The following CDH2 variants were observed in gnomAD, a reference collection of about 807,000 sequenced individuals.
CDH2 encodes the protein cadherin 2.
A neutral mutation model predicts 92.0 loss-of-function variants in CDH2; 17 were observed. The observed-to-expected ratio is 0.18, with a 90% CI of 0.13 to 0.28. The LOEUF (loss-of-function observed/expected upper bound fraction) is 0.28. CDH2 is among the 10% of genes least tolerant of loss of function. CDH2 has a pLI of 1.00. For missense variants in CDH2, 862 were observed against 1,133.1 expected (o/e 0.76, Z 3.44); for synonymous variants, 419 against 415.9 (o/e 1.01, Z -0.09).
chr18:28,163,430 AC>A (rs2016335006), intron 1 of CDH2, among the ~76,000 whole-genome samples: 1 of 152,348 alleles, frequency 6.6e-6, no homozygotes, highest in African/African-American at 2.4e-5. Context: ...CTCAGGCTCT[AC>A]TGTAGGCTTA....
chr18:28,026,549 C>T (rs1302385760), intron 2 of CDH2, among the ~76,000 whole-genome samples: 4 of 152,118 alleles, frequency 2.6e-5, no homozygotes, highest in Admixed American at 1.3e-4. Context: ...CCTGACATCA[C>T]CACCACTCTC....
At chr18:28,078,775 C>T (rs2014773687) in intron 2 of CDH2, among the ~76,000 whole-genome samples, 1 of 151,808 alleles carries the variant, frequency 6.6e-6, no homozygotes, top group Non-Finnish European at 1.5e-5. Context: ...GTTTTCTATA[C>T]TCCTCGCCCC....
intron 2 of CDH2, among the ~76,000 whole-genome samples, chr18:28,027,544 C>T (rs751880795): frequency 6.6e-6 from 1 of 151,760 alleles, no homozygotes; most frequent in South Asian, 2.1e-4. Flanking sequence ...AAAATCAAAA[C>T]AGCAGTAGGG....
intron 2 of CDH2, among the ~76,000 whole-genome samples, chr18:28,059,560 T>A (rs2014360292): frequency 6.6e-6 from 1 of 152,218 alleles, no homozygotes; most frequent in Non-Finnish European, 1.5e-5. Flanking sequence ...CTAACTTCCA[T>A]TTTCTATCCA....
At position 28,013,883 on chromosome 18, in the gene CDH2, T is replaced by G; in HGVS notation, c.199A>C (p.Arg67=). ...NVKFSNCNGK[R]KVQYESSEPA... is the part of the protein sequence containing the mutation. ...TCACTGCTCTCATATTGTACTTTTC[T>G]TTTTCCATTGCAGTTGCTAAACTTC... Residue 67 remains arginine, a synonymous_variant, in exon 3 of 16, where the codon AGA becomes CGA. Coordinates refer to ENST00000269141, the MANE Select transcript of CDH2 (RefSeq NM_001792.5). 6.2e-7 allele frequency: 1 copy of G among 1,613,118 alleles called. No individual in the cohort carries two copies. Among genetic ancestry groups the G allele is most frequent in the Non-Finnish European group, 8.5e-7 (1 of 1,179,862 alleles).
intron 2 of CDH2, among the ~76,000 whole-genome samples, chr18:28,127,094 T>C (rs2015690043): frequency 6.6e-6 from 1 of 152,162 alleles, no homozygotes; most frequent in Admixed American, 6.5e-5. Flanking sequence ...AAAGACATGC[T>C]ACCTGCTGTG....
intron 2 of CDH2, among the ~76,000 whole-genome samples, chr18:28,057,888 A>G (rs1173081203): frequency 6.6e-6 from 1 of 152,156 alleles, no homozygotes; most frequent in African/African-American, 2.4e-5. Context: ...AAAGTTCTAT[A>G]CTTCATCACT....
chr18:28,161,579 C>CG (rs1304355418), intron 1 of CDH2, among the ~76,000 whole-genome samples: 1 of 99,138 alleles, frequency 1.0e-5, no homozygotes, highest in Non-Finnish European at 1.9e-5. Flanking sequence ...AACCCTGTCT[C>CG]GAAAAAAAAA....
chr18:27,980,908 T>C (rs1022528545), intron 14 of CDH2, among the ~76,000 whole-genome samples: 2 of 151,974 alleles, frequency 1.3e-5, no homozygotes, highest in Non-Finnish European at 2.9e-5. Flanking sequence ...AATAGATGAG[T>C]TTTACCACTT....
At chr18:28,025,311 A>T (rs1323884976) in intron 2 of CDH2, among the ~76,000 whole-genome samples, 2 of 152,236 alleles carry the variant, frequency 1.3e-5, no homozygotes, top group East Asian at 3.9e-4. Context: ...TAAACTCAGG[A>T]GTTCGAGACC....
chr18:28,033,148 C>A (rs2013740662), intron 2 of CDH2, among the ~76,000 whole-genome samples: 1 of 151,978 alleles, frequency 6.6e-6, no homozygotes, highest in African/African-American at 2.4e-5. Flanking sequence ...TAAACAGGGG[C>A]ATGGACGCCA....
chr18:28,143,752 G>A (rs1368027875), intron 2 of CDH2, among the ~76,000 whole-genome samples: 1 of 151,764 alleles, frequency 6.6e-6, no homozygotes, highest in Non-Finnish European at 1.5e-5. Flanking sequence ...TCTAATTCCA[G>A]ATCTGCTGCT....
At chr18:28,005,306 G>A (rs2012883435) in intron 6 of CDH2, among the ~76,000 whole-genome samples, 2 of 152,168 alleles carry the variant, frequency 1.3e-5, no homozygotes, top group African/African-American at 2.4e-5. Flanking sequence ...TAGAACTGCA[G>A]GGGACACGCT....
downstream of CDH2, among the ~76,000 whole-genome samples, chr18:27,949,821 AATTAAT>A (rs1220021566): frequency 7.9e-5 from 12 of 151,886 alleles, no homozygotes; most frequent in African/African-American, 2.2e-4. Context: ...TGCCTACAAA[AATTAAT>A]ATTTATATTT....
At chr18:27,997,726 A>C (rs957830599) in intron 7 of CDH2, among the ~76,000 whole-genome samples, 3 of 152,124 alleles carry the variant, frequency 2.0e-5, no homozygotes, top group African/African-American at 7.2e-5. Context: ...ATTTGCCTCT[A>C]GATAAATTGG....
chr18:28,020,288 C>T (rs1304314433), intron 2 of CDH2, among the ~76,000 whole-genome samples: 1 of 151,860 alleles, frequency 6.6e-6, no homozygotes, highest in Non-Finnish European at 1.5e-5. Context: ...TTAGGTATAC[C>T]AGTAATATAT....
chr18:28,014,000 T>A, intron 2 of CDH2, 91 bp from the exon 3 acceptor site: 4 of 816,238 alleles, frequency 4.9e-6, no homozygotes, highest in South Asian at 1.7e-5. Context: ...CCTGCTTAGG[T>A]TAAAGGATAA....
At chr18:28,044,847 C>A (rs1170347038) in intron 2 of CDH2, among the ~76,000 whole-genome samples, 3 of 94,000 alleles carry the variant, frequency 3.2e-5, no homozygotes, top group African/African-American at 1.3e-4. Flanking sequence ...TAATATATAA[C>A]ATCGTGTGTG....
downstream of CDH2, among the ~76,000 whole-genome samples, chr18:27,948,527 C>T (rs994566027): frequency 1.3e-5 from 2 of 151,828 alleles, no homozygotes; most frequent in African/African-American, 2.4e-5. Context: ...ACTTGCTATA[C>T]ATTTCTGTAA....
Sources: gnomAD v4.1 joint callset for allele counts (sites outside exome capture counted in the v4.1 genomes callset) on GRCh38, gnomAD v4.1.1 for gene constraint, MANE v1.5 for transcripts, NCBI Gene and HGNC (gene_info 2026-07-23, HGNC 2026-07-21) for gene names.